Variants in SNTG1 observed in about 807,000 individuals in gnomAD.
The protein encoded by SNTG1 is syntrophin gamma 1, also known as gamma-1-syntrophin.
A neutral mutation model predicts 74.7 loss-of-function variants in SNTG1; 39 were observed. The observed-to-expected ratio is 0.52, with a 90% CI of 0.40 to 0.68. The LOEUF (loss-of-function observed/expected upper bound fraction) is 0.68, where lower values mean the gene tolerates loss of function less well. Ranked by LOEUF, SNTG1 falls within the 30% of genes least tolerant of loss-of-function variation. The pLI is 0.00. For synonymous variants in SNTG1, 254 were observed against 217.1 expected (o/e 1.17, Z -1.49); for missense variants, 685 against 609.5 (o/e 1.12, Z -1.30).
At chr8:50,015,968 T>A (rs1416869507) in intron 1 of SNTG1, among the ~76,000 whole-genome samples, 1 of 152,104 alleles carries the variant, frequency 6.6e-6, no homozygotes. Flanking sequence ...TTGGGTGTTG[T>A]TGTGGAGAAG....
chr8:50,557,505 C>T (rs76599974), intron 12 of SNTG1, among the ~76,000 whole-genome samples: 4,836 of 152,272 alleles, frequency 0.032, 122 homozygotes, highest in African/African-American at 0.058. Context: ...ATACATCCCT[C>T]TGGACTCTGT....
intron 17 of SNTG1, among the ~76,000 whole-genome samples, chr8:50,746,240 C>T (rs2095554895): frequency 6.6e-6 from 1 of 151,818 alleles, no homozygotes; most frequent in Admixed American, 6.6e-5. Flanking sequence ...CTCTAAAAGT[C>T]ATGCTTTTCT....
At chr8:50,470,966 G>T (rs1355316521) in intron 8 of SNTG1, among the ~76,000 whole-genome samples, 1 of 152,152 alleles carries the variant, frequency 6.6e-6, no homozygotes, top group Non-Finnish European at 1.5e-5. Context: ...CATATTTACA[G>T]AGTGCTGATT....
chr8:50,081,035 A>G (rs573847381), intron 1 of SNTG1, among the ~76,000 whole-genome samples: 125 of 152,206 alleles, frequency 8.2e-4, no homozygotes, highest in Non-Finnish European at 7.4e-5. Context: ...ATGATTATCT[A>G]TGTATAATAT....
At chr8:50,445,764 C>T (rs1363774649) in intron 5 of SNTG1, among the ~76,000 whole-genome samples, 1 of 152,178 alleles carries the variant, frequency 6.6e-6, no homozygotes, top group African/African-American at 2.4e-5. Context: ...GCCACAGTCC[C>T]GCCCAGGAGT....
intron 11 of SNTG1, among the ~76,000 whole-genome samples, chr8:50,543,056 C>T (rs965260158): frequency 7.2e-5 from 11 of 151,786 alleles, no homozygotes; most frequent in Non-Finnish European, 1.6e-4. Context: ...TTTATTTTTT[C>T]TCTTGTGGTG....
In SNTG1 at chr8:50,795,575, G is replaced by C. The variant is rs1043772793; in HGVS notation, c.*2746G>C. On this transcript the variant is annotated 3_prime_UTR_variant, in exon 19 of 19. Coordinates refer to ENST00000642720, the MANE Select transcript of SNTG1 (RefSeq NM_018967.5). ...TGTATGTGTGTTTGGGTGTGTGTCT[G>C]TGTATGTGTGTGAGTGTGTAAGTGT... 1.3e-5 allele frequency: 2 copies of C among 152,072 alleles called. No individual in the cohort carries two copies. The highest frequency in any genetic ancestry group is 2.9e-5 in the Non-Finnish European group (2 of 68,006). 9.4% of individuals were successfully genotyped at this position (152,072 alleles called of 1,614,324 possible).
chr8:50,285,371 T>C (rs1316488960), intron 2 of SNTG1, among the ~76,000 whole-genome samples: 1 of 152,136 alleles, frequency 6.6e-6, no homozygotes. Flanking sequence ...TTGTTTTGTG[T>C]GCTCTAGGTA....
At chr8:50,582,039 T>C (rs1420029726) in intron 12 of SNTG1, among the ~76,000 whole-genome samples, 1 of 152,202 alleles carries the variant, frequency 6.6e-6, no homozygotes, top group African/African-American at 2.4e-5. Flanking sequence ...CCTTCATGTC[T>C]TCCCAGCCCT....
chr8:50,643,058 A>G (rs923426002), intron 13 of SNTG1, among the ~76,000 whole-genome samples: 1 of 152,146 alleles, frequency 6.6e-6, no homozygotes, highest in African/African-American at 2.4e-5. Flanking sequence ...CTCTTGGCAA[A>G]AAAACAAACA....
intron 2 of SNTG1, among the ~76,000 whole-genome samples, chr8:50,217,884 C>T (rs933808619): frequency 6.6e-6 from 1 of 152,136 alleles, no homozygotes; most frequent in Non-Finnish European, 1.5e-5. Context: ...CTGTAGACTG[C>T]ATTCATTCTG....
chr8:50,509,399 A>G (rs977048941), intron 9 of SNTG1, among the ~76,000 whole-genome samples: 14 of 151,792 alleles, frequency 9.2e-5, no homozygotes, highest in Non-Finnish European at 1.0e-4. Flanking sequence ...GGCGATGCGG[A>G]CTCTTTTTTG....
chr8:50,734,897 A>C (rs1346938807), intron 17 of SNTG1, among the ~76,000 whole-genome samples: 3 of 133,130 alleles, frequency 2.3e-5, no homozygotes, highest in African/African-American at 8.6e-5. Flanking sequence ...ATATATATGG[A>C]CATATATATA....
chr8:50,754,149 C>T (rs1401437061), intron 18 of SNTG1, among the ~76,000 whole-genome samples: 3 of 151,946 alleles, frequency 2.0e-5, no homozygotes, highest in East Asian at 3.9e-4. Context: ...GCAAAACAAT[C>T]GTAGTGTAGA....
intron 1 of SNTG1, among the ~76,000 whole-genome samples, chr8:50,043,808 TAC>T (rs148228436): frequency 7.2e-5 from 11 of 151,984 alleles, no homozygotes; most frequent in African/African-American, 4.8e-5. Flanking sequence ...TGCACACACA[TAC>T]ACACACACAC....
At chr8:50,450,422 A>T in intron 6 of SNTG1, 134 bp from the exon 7 acceptor site, 3 of 859,476 alleles carry the variant, frequency 3.5e-6, no homozygotes, top group Admixed American at 2.7e-5. Flanking sequence ...TTTTTTGTGG[A>T]TCTTTTAAGA....
chr8:50,252,154 G>A (rs1055555993), intron 2 of SNTG1, among the ~76,000 whole-genome samples: 2 of 151,834 alleles, frequency 1.3e-5, no homozygotes, highest in African/African-American at 4.8e-5. Context: ...AAAATTTCTT[G>A]AAACAAATGA....
chr8:50,010,114 A>G (rs1288999259), intron 1 of SNTG1, among the ~76,000 whole-genome samples: 1 of 152,196 alleles, frequency 6.6e-6, no homozygotes, highest in Non-Finnish European at 1.5e-5. Flanking sequence ...TTTGTTTTAA[A>G]AGAAAGCCAC....
chr8:49,927,959 A>G (rs571048791), intron 1 of SNTG1, among the ~76,000 whole-genome samples: 2 of 151,590 alleles, frequency 1.3e-5, no homozygotes, highest in African/African-American at 2.4e-5. Context: ...TACTAAAAAT[A>G]TAAAATAATA....
Sources: gnomAD v4.1 joint callset for allele counts (sites outside exome capture counted in the v4.1 genomes callset) on GRCh38, gnomAD v4.1.1 for gene constraint, MANE v1.5 for transcripts, NCBI Gene and HGNC (gene_info 2026-07-23, HGNC 2026-07-21) for gene names.